Variants in ANKRD30A observed in about 807,000 individuals in gnomAD.
The protein encoded by ANKRD30A is ankyrin repeat domain-containing protein 30A.
In ANKRD30A, 170 loss-of-function variants were observed where a neutral mutation model predicts 166.3. The ratio of observed to expected loss-of-function variants is 1.02; its 90% CI spans 0.90 to 1.16. The LOEUF is 1.16. Among genes scored for constraint, ANKRD30A ranks in the 50% most tolerant of loss-of-function variants. ANKRD30A has a pLI of 0.00. For synonymous variants in ANKRD30A, 564 were observed against 508.9 expected (o/e 1.11, Z -1.46); for missense variants, 1,630 against 1,518.0 (o/e 1.07, Z -1.23).
chr10:37,201,460 C>A, intron 31 of ANKRD30A, 135 bp downstream of exon 31: 1 of 567,794 alleles, frequency 1.8e-6, no homozygotes, highest in Non-Finnish European at 2.8e-6. Flanking sequence ...GTGCAATGGT[C>A]ATAAGTTATA....
At chr10:37,126,273 C>T (rs767509509) in intron 1 of ANKRD30A, among the ~76,000 whole-genome samples, 8 of 152,208 alleles carry the variant, frequency 5.3e-5, no homozygotes, top group Non-Finnish European at 1.0e-4. Flanking sequence ...TCCTTCACTC[C>T]CACTTCCTCT....
chr10:37,232,654 T>TTATATATATATATATATATATATATA (rs10559316), downstream of ANKRD30A: 131 of 54,148 alleles, frequency 2.4e-3, 1 homozygote, highest in South Asian at 5.3e-3. Context: ...AGCATTGGTT[T>TTATATATATATATATATATATATATA]TATATATATA....
chr10:37,191,878 C>G (rs1840609997), intron 25 of ANKRD30A, among the ~76,000 whole-genome samples: 1 of 151,820 alleles, frequency 6.6e-6, no homozygotes, highest in South Asian at 2.1e-4. Context: ...GCCTGTAGTC[C>G]CAGCTACTCC....
At chr10:37,134,547 G>C (rs1410687948) in intron 5 of ANKRD30A, among the ~76,000 whole-genome samples, 3 of 152,152 alleles carry the variant, frequency 2.0e-5, no homozygotes, top group Non-Finnish European at 4.4e-5. Context: ...TACTAACACA[G>C]ATCCCTCAGT....
At chr10:37,232,902 A>C (rs987233234), downstream of ANKRD30A, among the ~76,000 whole-genome samples, 13 of 149,738 alleles carry the variant, frequency 8.7e-5, no homozygotes, top group African/African-American at 1.2e-4. Flanking sequence ...AAAAAAAAAA[A>C]AAAAACAAAA....
chr10:37,158,935 C>G (rs1039718636), intron 15 of ANKRD30A, among the ~76,000 whole-genome samples: 38 of 152,252 alleles, frequency 2.5e-4, no homozygotes, highest in African/African-American at 8.9e-4. Flanking sequence ...CCGATCTTTA[C>G]TTAGAAGAAA....
At chr10:37,194,846 C>A (rs1215376846) in intron 27 of ANKRD30A, among the ~76,000 whole-genome samples, 2 of 152,114 alleles carry the variant, frequency 1.3e-5, no homozygotes, top group Non-Finnish European at 2.9e-5. Context: ...TAAATGGCAG[C>A]TGATATCACA....
intron 34 of ANKRD30A, among the ~76,000 whole-genome samples, chr10:37,223,669 A>G (rs1466501802): frequency 1.3e-5 from 2 of 151,398 alleles, no homozygotes; most frequent in African/African-American, 4.8e-5. Flanking sequence ...TTAAAAAATT[A>G]TGTTTCAATC....
the ANKRD30A span, among the ~76,000 whole-genome samples, chr10:37,256,980 T>C: frequency 6.6e-6 from 1 of 152,138 alleles, no homozygotes; most frequent in Admixed American, 6.5e-5. Flanking sequence ...CCAGCTCCTC[T>C]TTATACCTCT....
At chr10:37,217,332 A>T (rs1842654663) in intron 32 of ANKRD30A, among the ~76,000 whole-genome samples, 1 of 151,014 alleles carries the variant, frequency 6.6e-6, no homozygotes, top group Admixed American at 6.6e-5. Context: ...AGTCACTTTA[A>T]TCAGTTAACT....
intron 13 of ANKRD30A, 78 bp from the exon 14 acceptor site, chr10:37,158,314 A>C: frequency 6.6e-7 from 1 of 1,522,340 alleles, no homozygotes; most frequent in Non-Finnish European, 9.0e-7. Context: ...ATTCATCTTC[A>C]TGTTCACACT....
chr10:37,162,929 A>G, intron 17 of ANKRD30A, 81 bp downstream of exon 17: 1 of 1,516,050 alleles, frequency 6.6e-7, no homozygotes. Flanking sequence ...CCAATGGTTT[A>G]TTTTTTTCAA....
chr10:37,219,489 A>T lies in ANKRD30A; in HGVS notation c.3777A>T (p.Lys1259Asn). 1 of 1,610,336 alleles carries T rather than the reference A, an allele frequency of 6.2e-7. No homozygotes were observed. The highest frequency in any genetic ancestry group is 8.5e-7 in the Non-Finnish European group (1 of 1,177,674). The change falls in exon 34 of 36, where the codon AAA becomes AAT. Residue 1259 changes from lysine (K) to asparagine (N), a missense_variant. Around this residue, in one of 4 missense-constraint regions of ANKRD30A, gnomAD observed 712 missense variants for 629.3 expected, o/e 1.13. Transcript: ENST00000361713. ...LHQPLSEAQR[K>N]SKSLKINLNY... Reference sequence around the variant, plus strand: ...AACCACTTTCTGAAGCTCAAAGGAAATCCAAAAGCCTAAAAATTAATCTCA... The same window carrying T: ...AACCACTTTCTGAAGCTCAAAGGAATTCCAAAAGCCTAAAAATTAATCTCA...
intron 1 of ANKRD30A, among the ~76,000 whole-genome samples, chr10:37,126,638 G>A (rs1450256139): frequency 1.3e-5 from 2 of 152,106 alleles, no homozygotes; most frequent in Non-Finnish European, 2.9e-5. Context: ...AGTTATCAAC[G>A]TTTTAACATT....
At chr10:37,225,419 T>C (rs1014804861) in intron 34 of ANKRD30A, among the ~76,000 whole-genome samples, 2 of 151,752 alleles carry the variant, frequency 1.3e-5, no homozygotes, top group Non-Finnish European at 2.9e-5. Flanking sequence ...TTTTAGAAAT[T>C]ACAGAAAAGA....
intron 34 of ANKRD30A, among the ~76,000 whole-genome samples, chr10:37,230,687 T>C (rs1228552949): frequency 1.3e-5 from 2 of 152,104 alleles, no homozygotes; most frequent in African/African-American, 4.8e-5. Context: ...TCTTTGATAG[T>C]GGTCTTGGGT....
intron 34 of ANKRD30A, among the ~76,000 whole-genome samples, chr10:37,223,068 A>G (rs559075656): frequency 6.6e-6 from 1 of 151,554 alleles, no homozygotes; most frequent in African/African-American, 2.4e-5. Context: ...CCACTCTAAT[A>G]GAGGACAATT....
intron 31 of ANKRD30A, among the ~76,000 whole-genome samples, chr10:37,213,556 C>CTTTTTTTTTT (rs397965588): frequency 1.5e-5 from 2 of 132,554 alleles, no homozygotes; most frequent in African/African-American, 2.8e-5. Context: ...TCTTCTTCTT[C>CTTTTTTTTTT]TTTTTTTTTT....
In ANKRD30A at chr10:37,220,435, A is replaced by G. The variant is rs373746067; in HGVS notation, c.4185+538A>G. 6.0e-5 allele frequency among the ~76,000 whole-genome samples: 9 copies of G among 151,128 alleles called. No homozygotes were observed. In the East Asian group the frequency reaches 1.6e-3, roughly 26 times the overall value. On this transcript the variant is annotated intron_variant, in intron 34 of 35. Coordinates refer to ENST00000361713, the MANE Select transcript of ANKRD30A (RefSeq NM_052997.3). ...TAATACTTTTTTTCAGTAGCTTTTTATGTATTTTAGTTGATAGAATTTTAT... is the reference window on the plus strand; with the variant it reads ...TAATACTTTTTTTCAGTAGCTTTTTGTGTATTTTAGTTGATAGAATTTTAT...
Sources: allele counts gnomAD v4.1 joint callset (sites outside exome capture counted in the v4.1 genomes callset), GRCh38; gene constraint gnomAD v4.1.1; regional missense constraint gnomAD v4.1.1; transcripts MANE v1.5; gene names NCBI Gene and HGNC (gene_info 2026-07-23, HGNC 2026-07-21).